Variants in DPYD observed in about 807,000 individuals in gnomAD.
DPYD encodes the protein dihydropyrimidine dehydrogenase [NADP(+)].
A neutral mutation model predicts 116.2 loss-of-function variants in DPYD; 109 were observed. The ratio of observed to expected loss-of-function variants is 0.94; its 90% CI spans 0.80 to 1.10. The LOEUF (loss-of-function observed/expected upper bound fraction) is 1.10, where lower values mean the gene tolerates loss of function less well. Among genes scored for constraint, DPYD ranks in the 50% least tolerant of loss-of-function variants. DPYD has a pLI of 0.00. For missense variants in DPYD, 1,302 were observed against 1,254.5 expected (o/e 1.04, Z -0.57); for synonymous variants, 440 against 432.0 (o/e 1.02, Z -0.23).
At chr1:97,773,469 G>A (rs1041961394) in intron 3 of DPYD, among the ~76,000 whole-genome samples, 1 of 152,166 alleles carries the variant, frequency 6.6e-6, no homozygotes, top group African/African-American at 2.4e-5. Flanking sequence ...GGACCTAAGT[G>A]AGAACAGCAC....
Position 97,213,588 on chromosome 1 carries a change from G to A in DPYD, c.2443-20340C>T, listed in dbSNP as rs188577597. Among the ~76,000 whole-genome samples, 590 of 152,230 alleles carry A rather than the reference G, an allele frequency of 3.9e-3. 4 individuals carry two copies. The highest frequency in any genetic ancestry group is 2.6e-3 in the Non-Finnish European group (177 of 68,010). On this transcript the variant is annotated intron_variant, in intron 19 of 22. Transcript: ENST00000370192. ...AATGGTTAAAACTTCTAAATGGTCA[G>A]ATTGACCTGCCAGACTACTTCAGTC...
intron 19 of DPYD, among the ~76,000 whole-genome samples, chr1:97,212,517 C>T (rs565232530): frequency 4.6e-4 from 70 of 152,124 alleles, no homozygotes; most frequent in Middle Eastern, 6.8e-3. Flanking sequence ...AGAAACAATG[C>T]TGCTATGACC....
intron 19 of DPYD, among the ~76,000 whole-genome samples, chr1:97,225,007 A>ATCTATCTG (rs1480467799): frequency 9.1e-5 from 2 of 21,994 alleles, no homozygotes; most frequent in South Asian, 3.0e-3. Context: ...CTGTCTGTCT[A>ATCTATCTG]TCTATCTATC....
At chr1:97,360,578 A>T (rs980376618) in intron 16 of DPYD, among the ~76,000 whole-genome samples, 3 of 152,244 alleles carry the variant, frequency 2.0e-5, no homozygotes, top group Non-Finnish European at 2.9e-5. Flanking sequence ...AGCAAATGGA[A>T]AAGAACAGAA....
intron 18 of DPYD, among the ~76,000 whole-genome samples, chr1:97,257,454 G>T (rs12035814): frequency 0.21 from 22,129 of 104,228 alleles, 1,930 homozygotes; most frequent in Middle Eastern, 0.27. Flanking sequence ...TATATATATA[G>T]AGAGAGAGAA....
At chr1:97,549,833 T>A in intron 11 of DPYD, 89 bp from the exon 12 acceptor site, 1 of 1,189,006 alleles carries the variant, frequency 8.4e-7, no homozygotes, top group Non-Finnish European at 1.2e-6. Flanking sequence ...AATTATGGTT[T>A]AATTATTGTT....
At chr1:97,304,640 T>G (rs941641586) in intron 18 of DPYD, among the ~76,000 whole-genome samples, 1 of 151,992 alleles carries the variant, frequency 6.6e-6, no homozygotes, top group Non-Finnish European at 1.5e-5. Context: ...CTTACAGCAT[T>G]GTCTTTGCAA....
intron 1 of DPYD, among the ~76,000 whole-genome samples, chr1:97,902,274 C>T (rs762150654): frequency 1.8e-4 from 28 of 151,834 alleles, no homozygotes; most frequent in Middle Eastern, 3.4e-3. Context: ...TATGACATCA[C>T]CACACTCATA....
intron 3 of DPYD, among the ~76,000 whole-genome samples, chr1:97,749,316 G>C (rs1206306248): frequency 6.6e-6 from 1 of 152,166 alleles, no homozygotes; most frequent in East Asian, 1.9e-4. Flanking sequence ...AATTATTTAT[G>C]CACAATAAGG....
chr1:97,527,267 C>CG (rs1251550118), intron 12 of DPYD, among the ~76,000 whole-genome samples: 11 of 152,110 alleles, frequency 7.2e-5, no homozygotes, highest in Middle Eastern at 3.4e-3. Context: ...TTTGTAGAGA[C>CG]AGGGTTTCAC....
chr1:97,097,062 G>A (rs373594883), intron 21 of DPYD, among the ~76,000 whole-genome samples: 4 of 152,154 alleles, frequency 2.6e-5, no homozygotes, highest in East Asian at 3.9e-4. Context: ...TGTAGGTTCT[G>A]GCCTTCGCAT....
At chr1:97,148,253 T>C (rs68138650) in intron 20 of DPYD, among the ~76,000 whole-genome samples, 3 of 62,278 alleles carry the variant, frequency 4.8e-5, no homozygotes, top group Admixed American at 3.5e-4. Context: ...TGTGTGTGTG[T>C]GGGGGGGGTG....
chr1:97,596,921 A>G (rs1456709730), intron 8 of DPYD, among the ~76,000 whole-genome samples: 1 of 152,158 alleles, frequency 6.6e-6, no homozygotes, highest in African/African-American at 2.4e-5. Context: ...GAGCCACCTC[A>G]CCTGCCTTTG....
chr1:97,261,306 C>T (rs1484346231), intron 18 of DPYD, among the ~76,000 whole-genome samples: 1 of 151,852 alleles, frequency 6.6e-6, no homozygotes, highest in Non-Finnish European at 1.5e-5. Context: ...ACACCTTTAA[C>T]TTTAGAATAC....
chr1:97,147,128 C>A (rs930759914), intron 20 of DPYD, among the ~76,000 whole-genome samples: 1 of 152,074 alleles, frequency 6.6e-6, no homozygotes, highest in Non-Finnish European at 1.5e-5. Flanking sequence ...GGCCAGTGGA[C>A]CATGAGGTCA....
intron 8 of DPYD, among the ~76,000 whole-genome samples, chr1:97,602,713 T>C (rs1468910279): frequency 2.6e-5 from 4 of 151,932 alleles, no homozygotes; most frequent in African/African-American, 9.7e-5. Flanking sequence ...ATCATGTCTA[T>C]ATTAGGATCT....
At chr1:97,318,402 G>T (rs1314833782) in intron 16 of DPYD, among the ~76,000 whole-genome samples, 1 of 141,454 alleles carries the variant, frequency 7.1e-6, no homozygotes, top group African/African-American at 2.5e-5. Flanking sequence ...CAAGCAAATG[G>T]AAAAGAAAAA....
chr1:97,314,122 G>T (rs1199972513), intron 16 of DPYD, among the ~76,000 whole-genome samples: 2 of 151,866 alleles, frequency 1.3e-5, no homozygotes, highest in African/African-American at 4.8e-5. Flanking sequence ...AAAATACTTG[G>T]AGAGAACTGT....
At chr1:97,822,558 G>T (rs146183106) in intron 3 of DPYD, among the ~76,000 whole-genome samples, 79 of 151,714 alleles carry the variant, frequency 5.2e-4, no homozygotes, top group African/African-American at 1.9e-3. Context: ...TAATTTCTAT[G>T]GCTTCTGCAT....
Sources: allele counts gnomAD v4.1 joint callset (sites outside exome capture counted in the v4.1 genomes callset), GRCh38; gene constraint gnomAD v4.1.1; transcripts MANE v1.5; gene names NCBI Gene and HGNC (gene_info 2026-07-23, HGNC 2026-07-21).